PCDHB15: variants seen among roughly 807,000 people sequenced by gnomAD.
PCDHB15 encodes protocadherin beta-15.
For missense variants in PCDHB15, 1,032 were observed against 991.7 expected, an observed-to-expected ratio of 1.04 and a Z score of -0.55; for synonymous variants, 492 against 447.9, an observed-to-expected ratio of 1.10 and a Z score of -1.24.
rs1755241864 is a variant in PCDHB15, at chr5:141,245,785, G to A, written c.207G>A (p.Glu69=). The change falls in exon 1 of 1, where the codon GAG becomes GAA. Residue 69 remains glutamate, a synonymous_variant. Transcript: ENST00000231173. The part of the protein sequence containing the change: ...LAERGARVVS[E]DNEQGLQLDL... ...AGCGGGGAGCCCGGGTAGTTTCTGA[G>A]GATAACGAACAAGGCTTGCAGCTTG... is the stretch of plus-strand genomic sequence containing the variant. The A allele has an allele frequency of 6.2e-7, 1 of 1,614,180 alleles. No individual in the cohort carries two copies. The highest frequency in any genetic ancestry group is 1.6e-4 in the Middle Eastern group (1 of 6,062).
rs1554291942 is a variant in PCDHB15, at chr5:141,246,534, T to C, written c.956T>C (p.Ile319Thr). ...FETMSSYDLD[I>T]EASDGGGLSG... is the part of the protein sequence containing the mutation. ...ACAATGTCTTCGTATGATCTAGATA[T>C]AGAGGCATCTGATGGCGGGGGACTT... Residue 319 changes from isoleucine (I) to threonine (T), a missense_variant, in exon 1 of 1, where the codon ATA becomes ACA. Coordinates refer to ENST00000231173, the MANE Select transcript of PCDHB15 (RefSeq NM_018935.4). The C allele has an allele frequency of 1.1e-5, 17 of 1,614,052 alleles. No homozygotes were observed. The highest frequency in any genetic ancestry group is 1.4e-5 in the Non-Finnish European group (17 of 1,180,022).
At position 141,248,085 on chromosome 5, in the gene PCDHB15, T is replaced by C; in HGVS notation, c.*143T>C. ...GTCTTTAGTAATGTTACTCATTTCCTTTGTCTGATTGTTAGTTTTCAAATT... is the reference window on the plus strand; with the variant it reads ...GTCTTTAGTAATGTTACTCATTTCCCTTGTCTGATTGTTAGTTTTCAAATT... On this transcript the variant is annotated 3_prime_UTR_variant, in exon 1 of 1. Transcript: ENST00000231173. 1 of 672,366 alleles carries C rather than the reference T, an allele frequency of 1.5e-6. No homozygotes were observed. The highest frequency in any genetic ancestry group is 2.3e-6 in the Non-Finnish European group (1 of 434,552). The allele number at this position is 672,366 out of a possible 1,614,324, so 41.7% of individuals were successfully genotyped here. A position where few individuals can be genotyped will look rare whatever the true frequency, so the allele number is the denominator to read the frequency against.
Sources: gnomAD v4.1 joint callset for allele counts on GRCh38, gnomAD v4.1.1 for gene constraint, MANE v1.5 for transcripts, NCBI Gene and HGNC (gene_info 2026-07-23, HGNC 2026-07-21) for gene names.